Variants in KHDRBS2 observed in about 807,000 individuals in gnomAD.
The protein encoded by KHDRBS2 is KH RNA binding domain containing, signal transduction associated 2.
KHDRBS2 carries 26 observed loss-of-function variants against 44.3 expected under a neutral mutation model. The observed-to-expected ratio is 0.59, with a 90% CI of 0.43 to 0.81. The LOEUF is 0.81. KHDRBS2 is among the 40% of genes least tolerant of loss of function. KHDRBS2 has a pLI of 0.00. For missense variants in KHDRBS2, 476 were observed against 433.1 expected (o/e 1.10, Z -0.88); for synonymous variants, 194 against 151.1 (o/e 1.28, Z -2.08).
At chr6:62,072,931 T>C (rs1351759569) in intron 2 of KHDRBS2, among the ~76,000 whole-genome samples, 1 of 152,096 alleles carries the variant, frequency 6.6e-6, no homozygotes, top group African/African-American at 2.4e-5. Context: ...AGCTCCCCCT[T>C]GTACCTCTGG....
At chr6:62,114,161 C>A (rs1805664873) in intron 2 of KHDRBS2, among the ~76,000 whole-genome samples, 1 of 152,136 alleles carries the variant, frequency 6.6e-6, no homozygotes, top group Non-Finnish European at 1.5e-5. Flanking sequence ...CCTCTCATGA[C>A]ACTTGAGAAT....
intron 2 of KHDRBS2, among the ~76,000 whole-genome samples, chr6:62,125,289 T>C (rs977737271): frequency 2.6e-5 from 4 of 152,274 alleles, no homozygotes; most frequent in East Asian, 1.9e-4. Context: ...CTGGCTTCCA[T>C]AGTGGGAGGA....
chr6:61,955,684 GTATACA>G (rs1207454387), intron 4 of KHDRBS2, among the ~76,000 whole-genome samples: 2 of 123,656 alleles, frequency 1.6e-5, no homozygotes, highest in African/African-American at 7.0e-5. Context: ...ACATATGTAT[GTATACA>G]TATATGTGTA....
At position 62,215,651 on chromosome 6, in the gene KHDRBS2, T is replaced by C. The variant is rs1407723632; in HGVS notation, c.92-38339A>G. Among the ~76,000 whole-genome samples the C allele has an allele frequency of 1.3e-5, 2 of 151,902 alleles. 1 individual carries two copies. The highest frequency in any genetic ancestry group is 1.3e-4 in the Admixed American group (2 of 15,206). On this transcript the variant is annotated intron_variant, in intron 1 of 8. Transcript: ENST00000281156. ...TTATTTAAATTATTCTGTTTATGTA[T>C]CTTCCCATAATCTTCTCAACCCACC...
intron 2 of KHDRBS2, among the ~76,000 whole-genome samples, chr6:62,087,409 A>G (rs545745147): frequency 6.6e-6 from 1 of 152,106 alleles, no homozygotes; most frequent in East Asian, 1.9e-4. Flanking sequence ...AGACAATTTC[A>G]TAAATTTAGA....
intron 6 of KHDRBS2, among the ~76,000 whole-genome samples, chr6:61,789,666 T>C (rs1406078906): frequency 6.6e-6 from 1 of 151,424 alleles, no homozygotes; most frequent in Admixed American, 6.6e-5. Context: ...AAGGCCCTGG[T>C]TTGTCGTAAT....
chr6:61,856,497 TAGA>T (rs1434799764), intron 6 of KHDRBS2, among the ~76,000 whole-genome samples: 1 of 151,884 alleles, frequency 6.6e-6, no homozygotes, highest in East Asian at 1.9e-4. Context: ...TACTTGAAAA[TAGA>T]AGAAAACTAT....
chr6:62,116,087 G>T (rs1392981690), intron 2 of KHDRBS2, among the ~76,000 whole-genome samples: 3 of 151,932 alleles, frequency 2.0e-5, no homozygotes, highest in Non-Finnish European at 2.9e-5. Context: ...AATAAGCACT[G>T]TGCTTATAAT....
chr6:61,795,144 C>CA (rs1166333660), intron 6 of KHDRBS2, among the ~76,000 whole-genome samples: 1,130 of 59,604 alleles, frequency 0.019, 100 homozygotes, highest in Non-Finnish European at 0.028. Flanking sequence ...GACTCCGTCT[C>CA]AAAAAAAAAA....
intron 1 of KHDRBS2, among the ~76,000 whole-genome samples, chr6:62,208,986 C>A (rs1252875052): frequency 1.3e-5 from 2 of 151,680 alleles, no homozygotes; most frequent in African/African-American, 4.8e-5. Flanking sequence ...GCTACAAAAG[C>A]AAAAAATAAA....
intron 2 of KHDRBS2, among the ~76,000 whole-genome samples, chr6:62,096,858 T>G (rs1800724414): frequency 6.6e-6 from 1 of 151,996 alleles, no homozygotes; most frequent in South Asian, 2.1e-4. Flanking sequence ...CAAAAGTAGT[T>G]TCAAGAGGGA....
At chr6:61,635,729 G>T in the KHDRBS2 span, among the ~76,000 whole-genome samples, 1 of 151,896 alleles carries the variant, frequency 6.6e-6, no homozygotes, top group Non-Finnish European at 1.5e-5. Context: ...CCATGTTGAG[G>T]TTCCCATCAC....
chr6:61,597,994 G>C, the KHDRBS2 span, among the ~76,000 whole-genome samples: 3 of 149,100 alleles, frequency 2.0e-5, no homozygotes, highest in African/African-American at 7.3e-5. Flanking sequence ...AATATCTAAG[G>C]AGCAAATATT....
chr6:62,074,778 C>A (rs1212853551), intron 2 of KHDRBS2, among the ~76,000 whole-genome samples: 1 of 151,828 alleles, frequency 6.6e-6, no homozygotes, highest in Non-Finnish European at 1.5e-5. Flanking sequence ...TAAATGTTCT[C>A]TTCATATCCT....
chr6:62,057,156 C>A (rs991238968), intron 2 of KHDRBS2, among the ~76,000 whole-genome samples: 2 of 151,822 alleles, frequency 1.3e-5, no homozygotes, highest in Non-Finnish European at 2.9e-5. Flanking sequence ...TTTTAATGTG[C>A]ATGTTTTAAA....
At chr6:61,662,386 A>G in the KHDRBS2 span, among the ~76,000 whole-genome samples, 1 of 150,980 alleles carries the variant, frequency 6.6e-6, no homozygotes, top group African/African-American at 2.4e-5. Flanking sequence ...ACAAAAGCCA[A>G]AATTGACAAA....
chr6:61,968,826 C>T (rs1178026322), intron 4 of KHDRBS2, among the ~76,000 whole-genome samples: 5 of 151,990 alleles, frequency 3.3e-5, no homozygotes, highest in Admixed American at 1.3e-4. Context: ...AGTAACCATG[C>T]TGGCCTTTAG....
chr6:61,943,089 A>G (rs1282756828), intron 4 of KHDRBS2, among the ~76,000 whole-genome samples: 2 of 151,580 alleles, frequency 1.3e-5, no homozygotes, highest in East Asian at 3.9e-4. Context: ...AAAAAAGGAA[A>G]GAAAGAAAGG....
intron 6 of KHDRBS2, among the ~76,000 whole-genome samples, chr6:61,802,849 CTT>C (rs2127590105): frequency 6.6e-6 from 1 of 152,234 alleles, no homozygotes; most frequent in South Asian, 2.1e-4. Flanking sequence ...AGAGGAGAAA[CTT>C]AAGGAGCACT....
Sources: gnomAD v4.1 joint callset for allele counts (sites outside exome capture counted in the v4.1 genomes callset) on GRCh38, gnomAD v4.1.1 for gene constraint, MANE v1.5 for transcripts, NCBI Gene and HGNC (gene_info 2026-07-23, HGNC 2026-07-21) for gene names.